The following PTPRK variants were observed in gnomAD, a reference collection of about 807,000 sequenced individuals.
The protein encoded by PTPRK is receptor-type tyrosine-protein phosphatase kappa.
A neutral mutation model predicts 178.0 loss-of-function variants in PTPRK; 75 were observed. That is an observed-to-expected ratio of 0.42 (90% confidence interval 0.35 to 0.51). The LOEUF (loss-of-function observed/expected upper bound fraction) is 0.51, where lower values mean the gene tolerates loss of function less well. PTPRK is among the 20% of genes least tolerant of loss of function. The probability of loss-of-function intolerance (pLI) is 0.02; values close to 1 mark genes in which losing one functional copy is unlikely to be tolerated. For missense variants in PTPRK, 1,441 were observed against 1,797.8 expected (o/e 0.80, Z 3.59); for synonymous variants, 637 against 620.6 (o/e 1.03, Z -0.39).
intron 7 of PTPRK, among the ~76,000 whole-genome samples, chr6:128,142,867 C>A (rs1053820600): frequency 2.6e-5 from 4 of 151,962 alleles, no homozygotes; most frequent in African/African-American, 9.7e-5. Flanking sequence ...ATATATAGGG[C>A]ATGCTATATT....
chr6:128,102,046 C>T (rs998231784), intron 7 of PTPRK, among the ~76,000 whole-genome samples: 16 of 152,150 alleles, frequency 1.1e-4, no homozygotes, highest in Admixed American at 4.6e-4. Flanking sequence ...TATATTAACA[C>T]GTATGCCCTC....
intron 1 of PTPRK, among the ~76,000 whole-genome samples, chr6:128,450,443 C>T (rs1005709005): frequency 1.3e-5 from 2 of 152,122 alleles, no homozygotes; most frequent in Non-Finnish European, 2.9e-5. Context: ...GAAATATATA[C>T]CAAAATAATT....
At chr6:128,323,880 T>C (rs189821753) in intron 2 of PTPRK, among the ~76,000 whole-genome samples, 7 of 152,188 alleles carry the variant, frequency 4.6e-5, no homozygotes, top group Non-Finnish European at 1.0e-4. Flanking sequence ...GACGGCACAT[T>C]AATAGAATAA....
intron 3 of PTPRK, among the ~76,000 whole-genome samples, chr6:128,300,545 T>C (rs1825402059): frequency 6.6e-6 from 1 of 151,822 alleles, no homozygotes; most frequent in Non-Finnish European, 1.5e-5. Flanking sequence ...AAATGATGAG[T>C]TCATGTCCTT....
At chr6:128,354,789 A>G (rs2128339128) in intron 2 of PTPRK, among the ~76,000 whole-genome samples, 1 of 152,312 alleles carries the variant, frequency 6.6e-6, no homozygotes, top group East Asian at 1.9e-4. Context: ...AACTTGCTTA[A>G]GATTACACAG....
chr6:128,461,774 T>C (rs6914064), intron 1 of PTPRK, among the ~76,000 whole-genome samples: 83,226 of 151,954 alleles, frequency 0.55, 25,794 homozygotes, highest in African/African-American at 0.86. Context: ...CCTCCCTGCT[T>C]TCCTAGGCAA....
At chr6:128,270,262 G>GTAAGAT (rs1819596890) in intron 3 of PTPRK, among the ~76,000 whole-genome samples, 2 of 152,062 alleles carry the variant, frequency 1.3e-5, no homozygotes, top group South Asian at 4.1e-4. Context: ...ATTTTGAGCA[G>GTAAGAT]TAAGATTATA....
intron 2 of PTPRK, among the ~76,000 whole-genome samples, chr6:128,358,402 C>T (rs1489630518): frequency 6.6e-6 from 1 of 152,158 alleles, no homozygotes; most frequent in Non-Finnish European, 1.5e-5. Flanking sequence ...TCAATACCTG[C>T]TACATATTCA....
intron 7 of PTPRK, among the ~76,000 whole-genome samples, chr6:128,096,777 A>G (rs992350269): frequency 2.6e-5 from 4 of 152,218 alleles, no homozygotes; most frequent in African/African-American, 4.8e-5. Flanking sequence ...AACAAATACA[A>G]GAAAAGTGAA....
At chr6:128,006,036 A>T in intron 14 of PTPRK, 1 of 1,569,600 alleles carries the variant, frequency 6.4e-7, no homozygotes, top group Non-Finnish European at 8.7e-7. Context: ...AGGTAGTAGG[A>T]GTAAGAATAG....
chr6:128,257,020 C>T (rs911003370), intron 3 of PTPRK, among the ~76,000 whole-genome samples: 1 of 151,554 alleles, frequency 6.6e-6, no homozygotes, highest in South Asian at 2.1e-4. Flanking sequence ...CACATGAGGT[C>T]GGGAGTTCGA....
chr6:128,451,204 C>T (rs941095071), intron 1 of PTPRK, among the ~76,000 whole-genome samples: 2 of 152,072 alleles, frequency 1.3e-5, no homozygotes, highest in Non-Finnish European at 2.9e-5. Context: ...AATATGCCAA[C>T]GTGGGGAACA....
chr6:128,041,844 T>C (rs1027097498), intron 13 of PTPRK, among the ~76,000 whole-genome samples: 7 of 139,756 alleles, frequency 5.0e-5, no homozygotes, highest in Non-Finnish European at 9.2e-5. Context: ...TACACATTTG[T>C]GTGTTGTCTG....
At chr6:128,351,105 AG>A (rs1833063461) in intron 2 of PTPRK, among the ~76,000 whole-genome samples, 1 of 152,200 alleles carries the variant, frequency 6.6e-6, no homozygotes, top group Non-Finnish European at 1.5e-5. Flanking sequence ...TCAGTCTTGG[AG>A]TTATAACTTC....
At chr6:127,970,351 A>C in intron 29 of PTPRK, 71 bp from the exon 30 acceptor site, 2 of 1,261,566 alleles carry the variant, frequency 1.6e-6, no homozygotes, top group Non-Finnish European at 2.3e-6. Flanking sequence ...CAGTTACCAA[A>C]TGAAACTTGA....
chr6:128,175,891 AC>A (rs1295618672), intron 7 of PTPRK, among the ~76,000 whole-genome samples: 2 of 151,850 alleles, frequency 1.3e-5, no homozygotes, highest in Admixed American at 6.6e-5. Context: ...CATTTTATCC[AC>A]CTAAACAGAA....
At chr6:128,425,139 G>A (rs1843972509) in intron 1 of PTPRK, among the ~76,000 whole-genome samples, 1 of 150,176 alleles carries the variant, frequency 6.7e-6, no homozygotes, top group African/African-American at 2.5e-5. Flanking sequence ...GTGCAGTGGC[G>A]TGATCTCGGC....
intron 3 of PTPRK, among the ~76,000 whole-genome samples, chr6:128,258,109 T>C (rs1817621280): frequency 1.3e-5 from 2 of 152,156 alleles, no homozygotes; most frequent in Admixed American, 1.3e-4. Context: ...GGGAGGAAAG[T>C]GTCTGAGAAT....
chr6:128,503,826 C>T (rs1363286272), intron 1 of PTPRK, among the ~76,000 whole-genome samples: 1 of 145,694 alleles, frequency 6.9e-6, no homozygotes, highest in Non-Finnish European at 1.5e-5. Flanking sequence ...GCATGCACCA[C>T]TATGCCTGGT....
Sources: gnomAD v4.1 joint callset for allele counts (sites outside exome capture counted in the v4.1 genomes callset) on GRCh38, gnomAD v4.1.1 for gene constraint, MANE v1.5 for transcripts, NCBI Gene and HGNC (gene_info 2026-07-23, HGNC 2026-07-21) for gene names.